Variants in SLC36A1 observed in about 807,000 individuals in gnomAD.
SLC36A1 encodes proton-coupled amino acid transporter 1.
In SLC36A1, 30 loss-of-function variants were observed where a neutral mutation model predicts 47.5. The observed-to-expected ratio is 0.63, with a 90% CI of 0.47 to 0.86. The LOEUF is 0.86. SLC36A1 is among the 40% of genes least tolerant of loss of function. SLC36A1 has a pLI of 0.00. For missense variants in SLC36A1, 517 were observed against 606.0 expected, an observed-to-expected ratio of 0.85 and a Z score of 1.54; for synonymous variants, 255 against 249.7, an observed-to-expected ratio of 1.02 and a Z score of -0.20.
the SLC36A1 span, among the ~76,000 whole-genome samples, chr5:151,420,902 G>A: frequency 7.4e-3 from 1,059 of 142,410 alleles, 16 homozygotes; most frequent in African/African-American, 0.026. Flanking sequence ...ACAGAGTCTC[G>A]CTCTGTTGCC....
chr5:151,550,877 G>C, the SLC36A1 span: 1 of 1,611,034 alleles, frequency 6.2e-7, no homozygotes, highest in Non-Finnish European at 8.5e-7. Flanking sequence ...TGGACCTAGG[G>C]AGGGAGATGA....
the SLC36A1 span, among the ~76,000 whole-genome samples, chr5:151,393,065 G>C: frequency 6.6e-6 from 1 of 151,674 alleles, no homozygotes; most frequent in Non-Finnish European, 1.5e-5. Context: ...CTAAGGACTT[G>C]CTTTATGAAT....
At chr5:151,524,895 T>A in the SLC36A1 span, among the ~76,000 whole-genome samples, 1 of 152,258 alleles carries the variant, frequency 6.6e-6, no homozygotes, top group East Asian at 1.9e-4. Flanking sequence ...TCCCTCTGAA[T>A]GTGTGTCCCC....
chr5:151,545,436 G>A, the SLC36A1 span: 15 of 1,613,974 alleles, frequency 9.3e-6, no homozygotes, highest in East Asian at 4.5e-5. Context: ...AGTCTTCATC[G>A]CTGGCCCGCA....
the SLC36A1 span, among the ~76,000 whole-genome samples, chr5:151,392,411 C>T: frequency 1.1e-4 from 17 of 152,128 alleles, no homozygotes; most frequent in Admixed American, 7.9e-4. Context: ...TTCAGTTCTG[C>T]TCTGATCTTA....
chr5:151,544,487 T>G, the SLC36A1 span: 93 of 1,614,030 alleles, frequency 5.8e-5, no homozygotes, highest in East Asian at 2.0e-3. Context: ...GTGAACAGCA[T>G]CAAGGGTTCT....
intron 7 of SLC36A1, among the ~76,000 whole-genome samples, chr5:151,468,269 ATATATATATAT>A (rs1561759759): frequency 3.7e-5 from 3 of 81,628 alleles, no homozygotes; most frequent in Non-Finnish European, 6.6e-5. Context: ...AAAAAAAAAT[ATATATATATAT>A]ATATATATAT....
the SLC36A1 span, among the ~76,000 whole-genome samples, chr5:151,553,630 A>G: frequency 6.6e-6 from 1 of 152,254 alleles, no homozygotes; most frequent in South Asian, 2.1e-4. Flanking sequence ...TATAAAAATA[A>G]TAAATGCCAC....
chr5:151,400,903 C>T, the SLC36A1 span, among the ~76,000 whole-genome samples: 1 of 151,978 alleles, frequency 6.6e-6, no homozygotes, highest in African/African-American at 2.4e-5. Context: ...ATTCAAGTTC[C>T]TTATACATTC....
intron 4 of SLC36A1, 134 bp from the exon 5 acceptor site, chr5:151,464,940 G>A: frequency 1.4e-6 from 1 of 704,392 alleles, no homozygotes; most frequent in Non-Finnish European, 2.5e-6. Context: ...GAAAGCACGA[G>A]ATACAGGACT....
chr5:151,370,122 CCTTTGTTCCTAAATGTT>C, the SLC36A1 span, among the ~76,000 whole-genome samples: 1 of 152,100 alleles, frequency 6.6e-6, no homozygotes, highest in South Asian at 2.1e-4. Context: ...TTTAAAAAGG[CCTTTGTTCCTAAATGTT>C]CTCTGAACTC....
the SLC36A1 span, among the ~76,000 whole-genome samples, chr5:151,419,155 C>T: frequency 3.3e-5 from 5 of 152,220 alleles, no homozygotes; most frequent in African/African-American, 1.2e-4. Flanking sequence ...TCAATTAAAT[C>T]TCTTTCCTTT....
the SLC36A1 span, chr5:151,545,267 C>T: frequency 6.2e-7 from 1 of 1,614,088 alleles, no homozygotes. Context: ...GAAATTTTTA[C>T]CAGCGCAGTG....
the SLC36A1 span, among the ~76,000 whole-genome samples, chr5:151,384,358 T>A: frequency 3.9e-5 from 6 of 152,206 alleles, no homozygotes; most frequent in African/African-American, 1.4e-4. Context: ...TTCTTACATA[T>A]TAGGTGTGAG....
At chr5:151,508,745 C>T in the SLC36A1 span, among the ~76,000 whole-genome samples, 49 of 151,900 alleles carry the variant, frequency 3.2e-4, no homozygotes, top group South Asian at 4.2e-4. Flanking sequence ...CATCAGCATA[C>T]CCAGAGTAAT....
At chr5:151,551,275 A>G in the SLC36A1 span, among the ~76,000 whole-genome samples, 1 of 152,214 alleles carries the variant, frequency 6.6e-6, no homozygotes, top group African/African-American at 2.4e-5. Context: ...CCAATTATAG[A>G]CAGATCCAGA....
At chr5:151,493,022 G>A (rs553972338), downstream of SLC36A1, among the ~76,000 whole-genome samples, 1 of 152,236 alleles carries the variant, frequency 6.6e-6, no homozygotes, top group South Asian at 2.1e-4. Flanking sequence ...ATGTGTGTGT[G>A]TGTGTATATA....
At chr5:151,347,170 C>G in the SLC36A1 span, 1 of 1,188,036 alleles carries the variant, frequency 8.4e-7, no homozygotes, top group Non-Finnish European at 1.2e-6. Context: ...CATGACTGCA[C>G]CTTTTGCAAC....
chr5:151,494,608 C>G (rs1433523600), downstream of SLC36A1, among the ~76,000 whole-genome samples: 1 of 152,144 alleles, frequency 6.6e-6, no homozygotes, highest in East Asian at 1.9e-4. Flanking sequence ...TTTTATATTC[C>G]TCCATGTTGT....
Sources: gnomAD v4.1 joint callset for allele counts (sites outside exome capture counted in the v4.1 genomes callset) on GRCh38, gnomAD v4.1.1 for gene constraint, MANE v1.5 for transcripts, NCBI Gene and HGNC (gene_info 2026-07-23, HGNC 2026-07-21) for gene names.